The following GABRG2 variants were observed in gnomAD, a reference collection of about 807,000 sequenced individuals.
GABRG2 encodes the protein gamma-aminobutyric acid type A receptor subunit gamma2, also known as gamma-aminobutyric acid receptor subunit gamma-2.
Under a neutral mutation model 56.4 loss-of-function variants are expected in GABRG2, and 16 were observed. The ratio of observed to expected loss-of-function variants is 0.28; its 90% CI spans 0.19 to 0.43. GABRG2 has a LOEUF of 0.43. GABRG2 is among the 20% of genes least tolerant of loss of function. The probability of loss-of-function intolerance (pLI) is 1.00; values close to 1 mark genes in which losing one functional copy is unlikely to be tolerated. For synonymous variants in GABRG2, 208 were observed against 205.5 expected, an observed-to-expected ratio of 1.01 and a Z score of -0.10; for missense variants, 327 against 582.7, an observed-to-expected ratio of 0.56 and a Z score of 4.52.
intron 1 of GABRG2, among the ~76,000 whole-genome samples, chr5:162,068,339 G>A (rs1758389799): frequency 6.6e-6 from 1 of 152,062 alleles, no homozygotes; most frequent in South Asian, 2.1e-4. Context: ...TGGTTTTAGA[G>A]TGGAAAAGGT....
intron 6 of GABRG2, among the ~76,000 whole-genome samples, chr5:162,115,913 A>G (rs1200576932): frequency 6.6e-6 from 1 of 151,994 alleles, no homozygotes; most frequent in East Asian, 1.9e-4. Flanking sequence ...CAGCTCATTC[A>G]TTTTTCACAG....
rs776456366 is a variant in GABRG2 at position 162,103,928 on chromosome 5, G to A, written c.671G>A (p.Arg224Gln). The change falls in exon 6 of 10, where the codon CGA becomes CAA. Residue 224 changes from arginine (R) to glutamine (Q), a missense_variant. Arg to Gln is a conservative substitution (Grantham distance 43, BLOSUM62 1). Around this residue, in one of 4 missense-constraint regions of GABRG2, gnomAD observed 104 missense variants for 209.3 expected, o/e 0.50. Transcript: ENST00000639213. ...GAAGAAATTGTTTATCAATGGAAGCGAAGTTCTGTTGAAGTGGGCGACACA... is the reference window on the plus strand; with the variant it reads ...GAAGAAATTGTTTATCAATGGAAGCAAAGTTCTGTTGAAGTGGGCGACACA... ...PREEIVYQWK[R>Q]SSVEVGDTRS... 8.7e-6 allele frequency: 14 copies of A among 1,613,842 alleles called. No individual in the cohort carries two copies. In the East Asian group the frequency reaches 1.1e-4, roughly 13 times the overall value.
intron 1 of GABRG2, among the ~76,000 whole-genome samples, chr5:162,086,195 G>C (rs562365716): frequency 6.6e-6 from 1 of 152,122 alleles, no homozygotes; most frequent in Admixed American, 6.6e-5. Flanking sequence ...AGTATTAACT[G>C]TAATTGTTAC....
intron 6 of GABRG2, among the ~76,000 whole-genome samples, chr5:162,130,468 T>C (rs186974957): frequency 1.3e-5 from 2 of 152,086 alleles, no homozygotes; most frequent in East Asian, 1.9e-4. Context: ...GAGCCTTTTC[T>C]TTAAGAAAAT....
intron 1 of GABRG2, among the ~76,000 whole-genome samples, chr5:162,093,171 T>C (rs1051711338): frequency 1.3e-5 from 2 of 152,156 alleles, no homozygotes; most frequent in East Asian, 1.9e-4. Flanking sequence ...GCATTTGCCA[T>C]GATAAAGGGT....
At chr5:162,123,053 A>C (rs1763081418) in intron 6 of GABRG2, among the ~76,000 whole-genome samples, 2 of 151,900 alleles carry the variant, frequency 1.3e-5, no homozygotes, top group South Asian at 4.1e-4. Flanking sequence ...ATATGAAAAC[A>C]GCTTAGAATA....
At chr5:162,087,718 A>G (rs1164984529) in intron 1 of GABRG2, among the ~76,000 whole-genome samples, 1 of 152,156 alleles carries the variant, frequency 6.6e-6, no homozygotes, top group East Asian at 1.9e-4. Flanking sequence ...ATTTACAATT[A>G]TATCTGTCAG....
At chr5:162,100,717 T>A (rs935450327) in intron 4 of GABRG2, among the ~76,000 whole-genome samples, 3 of 152,180 alleles carry the variant, frequency 2.0e-5, no homozygotes, top group African/African-American at 7.2e-5. Context: ...GACAGTGTAG[T>A]GTAGAATTAA....
chr5:162,078,441 C>G (rs1451155169), intron 1 of GABRG2, among the ~76,000 whole-genome samples: 1 of 107,186 alleles, frequency 9.3e-6, no homozygotes, highest in Non-Finnish European at 1.7e-5. Flanking sequence ...GAGTCTTGCT[C>G]TATCGCCTGG....
upstream of GABRG2, chr5:162,067,629 C>G (rs1188874478): frequency 9.4e-6 from 5 of 532,598 alleles, no homozygotes; most frequent in Non-Finnish European, 1.6e-5. Flanking sequence ...GAGATGGACC[C>G]AGGGGAGAAC....
chr5:162,069,996 T>G (rs1758541847), intron 1 of GABRG2, among the ~76,000 whole-genome samples: 1 of 152,172 alleles, frequency 6.6e-6, no homozygotes, highest in Non-Finnish European at 1.5e-5. Flanking sequence ...ACTTAATAGA[T>G]AAAATATTAT....
At chr5:162,151,521 T>C (rs972713003) in intron 8 of GABRG2, 10 of 505,392 alleles carry the variant, frequency 2.0e-5, no homozygotes, top group Admixed American at 3.7e-5. Flanking sequence ...AAAATTTCAC[T>C]AGTAATTACA....
rs869191596 is a variant in GABRG2, at chr5:162,078,397, A to ATT, written c.107+10317_107+10318dup. Among the ~76,000 whole-genome samples the ATT allele has an allele frequency of 2.1e-3, 65 of 30,688 alleles. 2 individuals carry two copies. The highest frequency in any genetic ancestry group is 2.9e-3 in the African/African-American group (17 of 5,804). 20.1% of individuals were successfully genotyped at this position (30,688 alleles called of 152,430 possible). A position where few individuals can be genotyped will look rare whatever the true frequency, so the allele number is the denominator to read the frequency against. ...TATATATATATATATATATATATAT[A>ATT]TTTTTTTTTTTTTTTTTTTTTTTTT... On this transcript the variant is annotated intron_variant, in intron 1 of 9. Coordinates refer to ENST00000639213, the MANE Select transcript of GABRG2 (RefSeq NM_198904.4).
chr5:162,133,635 T>G (rs1763911854), intron 6 of GABRG2, among the ~76,000 whole-genome samples: 1 of 152,138 alleles, frequency 6.6e-6, no homozygotes, highest in Non-Finnish European at 1.5e-5. Flanking sequence ...TTTGCTGCAT[T>G]TTTTTGAACT....
At chr5:162,109,420 ATATT>A (rs1554098575) in intron 6 of GABRG2, among the ~76,000 whole-genome samples, 4 of 116,140 alleles carry the variant, frequency 3.4e-5, no homozygotes, top group East Asian at 2.5e-4. Flanking sequence ...ATATATATAT[ATATT>A]TATTTATATA....
intron 1 of GABRG2, among the ~76,000 whole-genome samples, chr5:162,092,129 T>G (rs1338546459): frequency 6.6e-6 from 1 of 152,118 alleles, no homozygotes; most frequent in Non-Finnish European, 1.5e-5. Flanking sequence ...TAGGCAGAGT[T>G]TAGCAGTGCT....
At chr5:162,115,828 C>A (rs1356683476) in intron 6 of GABRG2, among the ~76,000 whole-genome samples, 6 of 151,904 alleles carry the variant, frequency 3.9e-5, no homozygotes, top group Admixed American at 6.6e-5. Context: ...ATAATGACAC[C>A]ACTACCTCTA....
intron 1 of GABRG2, among the ~76,000 whole-genome samples, chr5:162,086,894 C>T (rs1175244261): frequency 3.9e-5 from 6 of 151,900 alleles, no homozygotes; most frequent in East Asian, 3.9e-4. Flanking sequence ...ATAATGCAAC[C>T]GTGTACTTTC....
chr5:162,103,636 A>T lies in GABRG2; in HGVS notation c.632-253A>T, dbSNP rs1561645083. 7 of 507,302 alleles carry T rather than the reference A, an allele frequency of 1.4e-5. No individual in the cohort carries two copies. In the East Asian group the frequency reaches 2.2e-4, roughly 16 times the overall value. 31.4% of individuals were successfully genotyped at this position (507,302 alleles called of 1,614,324 possible). A position where few individuals can be genotyped will look rare whatever the true frequency, so the allele number is the denominator to read the frequency against. On this transcript the variant is annotated intron_variant, in intron 5 of 9. Coordinates refer to ENST00000639213, the MANE Select transcript of GABRG2 (RefSeq NM_198904.4). ...ATATGGCATATATAAAATCACATGTAGTATACCTTCTATGTCATTTAAATT... is the reference window on the plus strand; with the variant it reads ...ATATGGCATATATAAAATCACATGTTGTATACCTTCTATGTCATTTAAATT...
Sources: allele counts gnomAD v4.1 joint callset (sites outside exome capture counted in the v4.1 genomes callset), GRCh38; gene constraint gnomAD v4.1.1; regional missense constraint gnomAD v4.1.1; transcripts MANE v1.5; gene names NCBI Gene and HGNC (gene_info 2026-07-23, HGNC 2026-07-21).